The following KLF16 variants were observed in gnomAD, a reference collection of about 807,000 sequenced individuals.
KLF16 encodes the protein Krueppel-like factor 16.
A neutral mutation model predicts 6.1 loss-of-function variants in KLF16; 6 were observed. The observed-to-expected ratio is 0.98, with a 90% CI of 0.54 to 1.93. The LOEUF (loss-of-function observed/expected upper bound fraction) is 1.93. Among genes scored for constraint, KLF16 ranks in the 30% most tolerant of loss-of-function variants. KLF16 has a pLI of 0.01. For synonymous variants in KLF16, 211 were observed against 176.5 expected (o/e 1.20, Z -1.55); for missense variants, 355 against 363.8 (o/e 0.98, Z 0.20).
chr19:1,871,649 C>T, the KLF16 span, among the ~76,000 whole-genome samples: 1 of 152,128 alleles, frequency 6.6e-6, no homozygotes, highest in East Asian at 1.9e-4. Context: ...AGGGGGGCCA[C>T]CACGCACGGT....
At chr19:1,866,775 C>CAAAAA (rs10672007), upstream of KLF16, among the ~76,000 whole-genome samples, 1 of 86,818 alleles carries the variant, frequency 1.2e-5, no homozygotes, top group Non-Finnish European at 2.1e-5. Context: ...GACCCTGTCT[C>CAAAAA]AAAAAAAAAA....
chr19:1,872,023 G>A, the KLF16 span, among the ~76,000 whole-genome samples: 7 of 152,258 alleles, frequency 4.6e-5, no homozygotes, highest in South Asian at 4.2e-4. Context: ...GCACAGAGTC[G>A]GGAGGGGACC....
In KLF16 at chr19:1,854,171, G is replaced by A. The variant is rs956138165; in HGVS notation, c.*288C>T. 4.1e-5 allele frequency: 15 copies of A among 367,218 alleles called. No homozygotes were observed. The East Asian group carries it at 4.4e-4, about 11-fold the overall frequency. The allele number at this position is 367,218 out of a possible 1,614,324, so 22.7% of individuals were successfully genotyped here. A position where few individuals can be genotyped will look rare whatever the true frequency, so the allele number is the denominator to read the frequency against. On this transcript the variant is annotated 3_prime_UTR_variant, in exon 2 of 2. Transcript: ENST00000250916. ...GCAGCAGGGGGTGGTGGAGAGGAGA[G>A]GGGAGGACCTCCTAGCTGCCCTGGG...
At chr19:1,875,349 G>A in the KLF16 span, 1 of 152,164 alleles carries the variant, frequency 6.6e-6, no homozygotes, top group Non-Finnish European at 1.5e-5. Context: ...TGAATGCATG[G>A]GGCGCTCTCC....
chr19:1,869,153 G>T, the KLF16 span, among the ~76,000 whole-genome samples: 59,435 of 151,968 alleles, frequency 0.39, 13,713 homozygotes, highest in Non-Finnish European at 0.53. Flanking sequence ...AGAGCCCGGG[G>T]TTTCACTGTC....
the KLF16 span, among the ~76,000 whole-genome samples, chr19:1,872,755 G>T: frequency 6.6e-6 from 1 of 152,198 alleles, no homozygotes; most frequent in Non-Finnish European, 1.5e-5. Context: ...CCGGGGTCTC[G>T]GCTACTTCTC....
upstream of KLF16, among the ~76,000 whole-genome samples, chr19:1,868,152 T>G (rs550284103): frequency 6.6e-6 from 1 of 152,290 alleles, no homozygotes; most frequent in Non-Finnish European, 1.5e-5. Context: ...TCCTTTCATT[T>G]TTAGGCTTTT....
upstream of KLF16, among the ~76,000 whole-genome samples, chr19:1,867,927 C>CGTGTGTGTGTGTGT (rs71174389): frequency 4.4e-4 from 65 of 147,974 alleles, no homozygotes; most frequent in East Asian, 1.6e-3. Context: ...TATGTAAGGA[C>CGTGTGTGTGTGTGT]GTGTGTGTGT....
chr19:1,862,717 GA>G (rs1267857376), intron 1 of KLF16: 3,843 of 180,362 alleles, frequency 0.021, 1 homozygote, highest in Middle Eastern at 0.045. Flanking sequence ...GAACGCAAAA[GA>G]AAAAAAAAAA....
chr19:1,863,179 C>A lies in KLF16; in HGVS notation c.319G>T (p.Ala107Ser), dbSNP rs568223808. 8.2e-6 allele frequency: 10 copies of A among 1,217,782 alleles called. No individual in the cohort carries two copies. In the South Asian group the frequency reaches 2.5e-4, roughly 30 times the overall value. The allele number at this position is 1,217,782 out of a possible 1,614,324, so 75.4% of individuals were successfully genotyped here. A position where few individuals can be genotyped will look rare whatever the true frequency, so the allele number is the denominator to read the frequency against. The change falls in exon 1 of 2, where the codon GCC becomes TCC. Residue 107 changes from alanine to serine, a missense_variant. Physicochemically the swap from Ala to Ser is moderately conservative, Grantham distance 99. Transcript: ENST00000250916. ...GASPASSSSA[A>S]SSPSSGRAPG... ...GCGCGGCCCGAGGACGGGGACGAGG[C>A]GGCTGAGGAGGAGGAGGCGGGCGAG...
Position 1,863,501 on chromosome 19 carries a change from G to A in KLF16, c.-4C>T, listed in dbSNP as rs1045584227. The A allele has an allele frequency of 4.6e-5, 46 of 994,992 alleles. No homozygotes were observed. Among genetic ancestry groups the A allele is most frequent in the Admixed American group, 6.2e-5 (1 of 16,044 alleles). 61.6% of individuals were successfully genotyped at this position (994,992 alleles called of 1,614,324 possible). A position where few individuals can be genotyped will look rare whatever the true frequency, so the allele number is the denominator to read the frequency against. Reference sequence around the variant, plus strand: ...CGCACGCCACGGCCGCCGACATGCCGAGCAAGGGCGCGCGGCGCGGCGGGC... The same window carrying A: ...CGCACGCCACGGCCGCCGACATGCCAAGCAAGGGCGCGCGGCGCGGCGGGC... On this transcript the variant is annotated 5_prime_UTR_variant, in exon 1 of 2. Coordinates refer to ENST00000250916, the MANE Select transcript of KLF16 (RefSeq NM_031918.4).
At position 1,863,142 on chromosome 19, in the gene KLF16, G is replaced by T; in HGVS notation, c.356C>A (p.Ala119Glu). The change falls in exon 1 of 2, where the codon GCG (alanine) becomes GAG (glutamate). Residue 119 changes from alanine (A) to glutamate (E), a missense_variant. By Grantham distance (107) the Ala-to-Glu change is moderately radical (BLOSUM62 -1). Coordinates refer to ENST00000250916, the MANE Select transcript of KLF16 (RefSeq NM_031918.4). ...SPSSGRAPGA[A>E]PSAAAKSHRC... ...GTGGCTCTTGGCGGCGGCGGAGGGC[G>T]CGGCGCCGGGGGCGCGGCCCGAGGA... 7.5e-7 allele frequency: 1 copy of T among 1,325,056 alleles called. No homozygotes were observed. The highest frequency in any genetic ancestry group is 9.8e-7 in the Non-Finnish European group (1 of 1,019,784). 82.1% of individuals were successfully genotyped at this position (1,325,056 alleles called of 1,614,324 possible).
rs117822420 is a variant in KLF16, at chr19:1,857,911, C to T, written c.458-3151G>A. On this transcript the variant is annotated intron_variant, in intron 1 of 1. Transcript: ENST00000250916. This position sits in a 1 kb window ranked among gnomAD's most constrained non-coding sequence, Gnocchi z 4.7. The stretch of plus-strand genomic sequence containing the variant: ...CCTATAGGCAGCTGCTTCTGGGAGC[C>T]GCTGCAGAAAAGGGGGAACACTGGT... 1.7e-3 allele frequency among the ~76,000 whole-genome samples: 251 copies of T among 152,060 alleles called. 5 individuals carry two copies. The South Asian group carries it at 0.027, about 16-fold the overall frequency.
the KLF16 span, among the ~76,000 whole-genome samples, chr19:1,870,139 C>T: frequency 6.7e-6 from 1 of 148,728 alleles, no homozygotes; most frequent in Non-Finnish European, 1.5e-5. Flanking sequence ...TCCACATTGG[C>T]CAGGCTGGTC....
chr19:1,874,240 G>T, the KLF16 span, among the ~76,000 whole-genome samples: 1 of 152,066 alleles, frequency 6.6e-6, no homozygotes, highest in African/African-American at 2.4e-5. Flanking sequence ...AAAAAGAAAC[G>T]TGCAAAATAA....
chr19:1,854,938 G>C (rs575291449), intron 1 of KLF16, among the ~76,000 whole-genome samples, 178 bp from the exon 2 acceptor site: 1 of 152,096 alleles, frequency 6.6e-6, no homozygotes. Context: ...CCCGCCCCCC[G>C]GTGGCCCAAC....
chr19:1,855,913 G>A (rs1568731846), intron 1 of KLF16, among the ~76,000 whole-genome samples: 3 of 152,260 alleles, frequency 2.0e-5, no homozygotes, highest in Non-Finnish European at 4.4e-5. Context: ...GATGGAGACC[G>A]GATGTGCATG....
the KLF16 span, among the ~76,000 whole-genome samples, chr19:1,872,747 G>A: frequency 4.6e-5 from 7 of 152,028 alleles, no homozygotes; most frequent in African/African-American, 7.2e-5. Flanking sequence ...GGGCCTGGCC[G>A]GGGTCTCGGC....
chr19:1,856,907 C>A (rs1335853854), intron 1 of KLF16, among the ~76,000 whole-genome samples: 2 of 149,274 alleles, frequency 1.3e-5, no homozygotes, highest in Non-Finnish European at 3.0e-5. Flanking sequence ...CTGGTCTCCA[C>A]TCCCTCTCCC....
Sources: gnomAD v4.1 joint callset for allele counts (sites outside exome capture counted in the v4.1 genomes callset) on GRCh38, gnomAD v4.1.1 for gene constraint, Gnocchi (gnomAD v3.1) non-coding constraint, MANE v1.5 for transcripts, NCBI Gene and HGNC (gene_info 2026-07-23, HGNC 2026-07-21) for gene names.